Variants in SCFD2 observed in about 807,000 individuals in gnomAD.
SCFD2 encodes sec1 family domain containing 2.
SCFD2 carries 54 observed loss-of-function variants against 58.9 expected under a neutral mutation model. The ratio of observed to expected loss-of-function variants is 0.92; its 90% CI spans 0.74 to 1.15. SCFD2 has a LOEUF of 1.15. Ranked by LOEUF, SCFD2 falls within the 50% of genes most tolerant of loss-of-function variation. SCFD2 has a pLI of 0.00. For missense variants in SCFD2, 805 were observed against 836.6 expected, an observed-to-expected ratio of 0.96 and a Z score of 0.47; for synonymous variants, 321 against 335.9, an observed-to-expected ratio of 0.96 and a Z score of 0.49.
At chr4:52,930,444 G>T (rs181830361) in intron 5 of SCFD2, among the ~76,000 whole-genome samples, 2 of 152,216 alleles carry the variant, frequency 1.3e-5, no homozygotes, top group Admixed American at 6.5e-5. Flanking sequence ...CAGGACATAG[G>T]CATGGGCAAA....
At chr4:52,888,078 T>C (rs1401854357) in intron 7 of SCFD2, among the ~76,000 whole-genome samples, 1 of 151,540 alleles carries the variant, frequency 6.6e-6, no homozygotes, top group Non-Finnish European at 1.5e-5. Flanking sequence ...GCCCGGCTAA[T>C]TTTTTGTATT....
chr4:53,195,491 A>G (rs1226128862), intron 4 of SCFD2, among the ~76,000 whole-genome samples: 3 of 152,124 alleles, frequency 2.0e-5, no homozygotes, highest in Non-Finnish European at 2.9e-5. Context: ...GGGCTCACTG[A>G]GATATTAACC....
chr4:53,025,244 T>C (rs1308272204), intron 5 of SCFD2, among the ~76,000 whole-genome samples: 1 of 152,178 alleles, frequency 6.6e-6, no homozygotes, highest in Non-Finnish European at 1.5e-5. Context: ...ATCACACTTA[T>C]ACAAATAAAA....
intron 5 of SCFD2, among the ~76,000 whole-genome samples, chr4:53,119,242 C>T (rs112233738): frequency 0.012 from 1,752 of 151,834 alleles, 41 homozygotes; most frequent in African/African-American, 0.04. Flanking sequence ...CACTTGAACC[C>T]GGGAGGCAGA....
chr4:53,176,307 C>T (rs1338242468), intron 4 of SCFD2, among the ~76,000 whole-genome samples: 3 of 152,148 alleles, frequency 2.0e-5, no homozygotes, highest in Non-Finnish European at 4.4e-5. Flanking sequence ...ACAGACAACA[C>T]TCAAAGGAAA....
chr4:52,926,282 C>A (rs1719860822), intron 5 of SCFD2, among the ~76,000 whole-genome samples: 1 of 152,016 alleles, frequency 6.6e-6, no homozygotes, highest in Non-Finnish European at 1.5e-5. Flanking sequence ...GGGTTCATTA[C>A]TTAGGTATTT....
At chr4:53,059,873 T>G (rs982685278) in intron 5 of SCFD2, among the ~76,000 whole-genome samples, 1 of 152,144 alleles carries the variant, frequency 6.6e-6, no homozygotes, top group Non-Finnish European at 1.5e-5. Context: ...CCTTGCAATT[T>G]TGTAGTCAGG....
intron 4 of SCFD2, among the ~76,000 whole-genome samples, chr4:53,217,665 G>A (rs1271421395): frequency 6.6e-6 from 1 of 152,192 alleles, no homozygotes; most frequent in African/African-American, 2.4e-5. Context: ...ATCGTTATGT[G>A]TGAATTTGAT....
chr4:52,983,824 T>A (rs547768478), intron 5 of SCFD2, among the ~76,000 whole-genome samples: 1 of 152,334 alleles, frequency 6.6e-6, no homozygotes, highest in African/African-American at 2.4e-5. Flanking sequence ...TTTCATTACC[T>A]GGAATATGGA....
chr4:53,301,018 T>C (rs372301251), intron 3 of SCFD2, among the ~76,000 whole-genome samples: 163 of 150,708 alleles, frequency 1.1e-3, no homozygotes, highest in Admixed American at 5.7e-3. Context: ...AAATTGACAC[T>C]CTAACATCAC....
intron 3 of SCFD2, among the ~76,000 whole-genome samples, chr4:53,280,541 T>C (rs937755007): frequency 6.6e-6 from 1 of 151,824 alleles, no homozygotes; most frequent in Non-Finnish European, 1.5e-5. Context: ...AAGAAAGCAA[T>C]TTTGTCTAGA....
chr4:53,208,074 A>G (rs1397426348), intron 4 of SCFD2, among the ~76,000 whole-genome samples: 1 of 151,416 alleles, frequency 6.6e-6, no homozygotes, highest in Non-Finnish European at 1.5e-5. Flanking sequence ...CTCCCACCTC[A>G]GCCTCCTGAG....
At chr4:53,000,490 T>C (rs1160526802) in intron 5 of SCFD2, among the ~76,000 whole-genome samples, 2 of 152,158 alleles carry the variant, frequency 1.3e-5, no homozygotes, top group South Asian at 2.1e-4. Flanking sequence ...TGTGGCTCCA[T>C]GAGGCATCTG....
At chr4:53,278,674 T>C (rs754916874) in intron 3 of SCFD2, among the ~76,000 whole-genome samples, 69 of 151,970 alleles carry the variant, frequency 4.5e-4, no homozygotes, top group Non-Finnish European at 1.2e-4. Flanking sequence ...TAACAGAAAA[T>C]ATCAACACCA....
At chr4:53,253,450 T>G (rs1445878676) in intron 4 of SCFD2, among the ~76,000 whole-genome samples, 1 of 152,122 alleles carries the variant, frequency 6.6e-6, no homozygotes, top group Non-Finnish European at 1.5e-5. Flanking sequence ...GTATGTTTAT[T>G]GCAGCACTAT....
intron 5 of SCFD2, among the ~76,000 whole-genome samples, chr4:53,068,074 G>T (rs548627368): frequency 1.3e-5 from 2 of 151,990 alleles, no homozygotes; most frequent in South Asian, 2.1e-4. Context: ...AAACTCAAAT[G>T]TTAACATAAC....
intron 4 of SCFD2, among the ~76,000 whole-genome samples, chr4:53,219,940 ACACT>A (rs1236123821): frequency 6.6e-6 from 1 of 152,042 alleles, no homozygotes; most frequent in African/African-American, 2.4e-5. Flanking sequence ...CCACTTCCAA[ACACT>A]CACACCACAG....
chr4:53,064,038 C>G lies in SCFD2; in HGVS notation c.1561+81295G>C, dbSNP rs901688591. ...TTTTTATATAAAATATCAGTATTAT[C>G]TCAGATTTACCTTCATTTTTTCTTG... On this transcript the variant is annotated intron_variant, in intron 5 of 8. Transcript: ENST00000401642. 1.0e-3 allele frequency among the ~76,000 whole-genome samples: 155 copies of G among 152,042 alleles called. 1 individual carries two copies. Among genetic ancestry groups the G allele is most frequent in the African/African-American group, 3.5e-3 (147 of 41,480 alleles).
At chr4:53,238,035 G>A (rs533130619) in intron 4 of SCFD2, among the ~76,000 whole-genome samples, 14 of 140,556 alleles carry the variant, frequency 1.0e-4, no homozygotes, top group African/African-American at 3.2e-4. Context: ...AAGATGGGGT[G>A]GCTGGCCGGG....
Sources: allele counts gnomAD v4.1 joint callset (sites outside exome capture counted in the v4.1 genomes callset), GRCh38; gene constraint gnomAD v4.1.1; transcripts MANE v1.5; gene names NCBI Gene and HGNC (gene_info 2026-07-23, HGNC 2026-07-21).